The following TATDN1 variants were observed in gnomAD, a reference collection of about 807,000 sequenced individuals.
The protein encoded by TATDN1 is deoxyribonuclease TATDN1.
TATDN1 carries 40 observed loss-of-function variants against 46.4 expected under a neutral mutation model. That is an observed-to-expected ratio of 0.86 (90% CI 0.67 to 1.12). The LOEUF (loss-of-function observed/expected upper bound fraction) is 1.12. Ranked by LOEUF, TATDN1 falls within the 50% of genes most tolerant of loss-of-function variation. The pLI, the probability that TATDN1 is intolerant of heterozygous loss-of-function variation, is 0.00. For synonymous variants in TATDN1, 95 were observed against 105.6 expected (o/e 0.90, Z 0.62); for missense variants, 326 against 348.4 (o/e 0.94, Z 0.51).
chr8:124,497,769 AG>A (rs952173095), intron 9 of TATDN1, among the ~76,000 whole-genome samples: 6 of 152,220 alleles, frequency 3.9e-5, no homozygotes, highest in African/African-American at 1.4e-4. Flanking sequence ...ATAATTCACC[AG>A]GAGCTAGAAA....
chr8:124,538,836 G>A (rs1821741237), intron 1 of TATDN1, 189 bp downstream of exon 1: 2 of 650,256 alleles, frequency 3.1e-6, no homozygotes. Flanking sequence ...ACACCCTCGT[G>A]AATCCAGAAC....
Position 124,504,462 on chromosome 8 carries a change from A to G in TATDN1, c.517-115T>C, listed in dbSNP as rs371962782. The G allele has an allele frequency of 5.4e-4, 280 of 516,678 alleles. 1 individual carries two copies. The highest frequency in any genetic ancestry group is 4.9e-3 in the African/African-American group (248 of 50,134). The allele number at this position is 516,678 out of a possible 1,614,324, so 32.0% of individuals were successfully genotyped here. A position where few individuals can be genotyped will look rare whatever the true frequency, so the allele number is the denominator to read the frequency against. On this transcript the variant is annotated intron_variant, in intron 8 of 11. Coordinates refer to ENST00000276692, the MANE Select transcript of TATDN1 (RefSeq NM_032026.4). The stretch of plus-strand genomic sequence containing the variant: ...AGATCCCTGTAAGTTTTTGGACCTC[A>G]GGGTTTCAAAGGTGGTAGTCGCTAT...
chr8:124,517,265 T>TA (rs555145071), intron 4 of TATDN1, among the ~76,000 whole-genome samples: 1 of 151,836 alleles, frequency 6.6e-6, no homozygotes, highest in Non-Finnish European at 1.5e-5. Context: ...CCGTCTCTAC[T>TA]AAAGATACAA....
chr8:124,530,122 C>T (rs1430813543), intron 1 of TATDN1, among the ~76,000 whole-genome samples: 1 of 151,834 alleles, frequency 6.6e-6, no homozygotes, highest in Non-Finnish European at 1.5e-5. Context: ...CAAAGAACAA[C>T]AACAACAAAG....
intron 2 of TATDN1, 85 bp downstream of exon 2, chr8:124,522,852 G>T: frequency 8.5e-7 from 1 of 1,173,220 alleles, no homozygotes; most frequent in Non-Finnish European, 1.3e-6. Context: ...ACAAGACTCA[G>T]CTTGAATTAT....
intron 11 of TATDN1, among the ~76,000 whole-genome samples, chr8:124,493,630 A>G (rs1817210684): frequency 6.6e-6 from 1 of 152,232 alleles, no homozygotes; most frequent in African/African-American, 2.4e-5. Context: ...TCTTGTTACC[A>G]AAGAGTAGCA....
At chr8:124,516,910 G>A (rs1286190105) in intron 4 of TATDN1, among the ~76,000 whole-genome samples, 2 of 152,228 alleles carry the variant, frequency 1.3e-5, no homozygotes, top group Non-Finnish European at 1.5e-5. Flanking sequence ...CATGGGAAAG[G>A]TATCAAGCTT....
chr8:124,495,624 A>T, intron 9 of TATDN1, 82 bp from the exon 10 acceptor site: 1 of 1,084,724 alleles, frequency 9.2e-7, no homozygotes, highest in Non-Finnish European at 1.3e-6. Flanking sequence ...CTAAAATGCT[A>T]CAAAACCAAC....
intron 9 of TATDN1, among the ~76,000 whole-genome samples, chr8:124,497,996 T>C (rs972988897): frequency 6.6e-6 from 1 of 152,264 alleles, no homozygotes; most frequent in Non-Finnish European, 1.5e-5. Flanking sequence ...TATTCTTTTA[T>C]GTTCTTTTAG....
chr8:124,489,480 C>T (rs1296648015), intron 11 of TATDN1: 1 of 151,620 alleles, frequency 6.6e-6, no homozygotes. Flanking sequence ...GTGGCACGAT[C>T]TCGGCTCACT....
In TATDN1 at chr8:124,518,819, ATTTG is replaced by A. The variant is rs764761631; in HGVS notation, c.197_200del (p.Thr66MetfsTer27). 1.2e-6 allele frequency: 2 copies of A among 1,608,654 alleles called. No individual in the cohort carries two copies. The highest frequency in any genetic ancestry group is 2.2e-5 in the East Asian group (1 of 44,810). ...TTGGTAAAAGAAATATGAGGATACC[ATTTG>A]TTTGTGCCAAATGCAGTGCATCTTT... On this transcript the variant is annotated frameshift_variant and splice_region_variant, in exon 4 of 12. Transcript: ENST00000276692. LOFTEE classifies it high-confidence loss of function.
chr8:124,499,086 G>T (rs1023853124), intron 9 of TATDN1, among the ~76,000 whole-genome samples: 2 of 150,908 alleles, frequency 1.3e-5, no homozygotes, highest in African/African-American at 4.9e-5. Flanking sequence ...CCCAACTACA[G>T]AACATTTCTT....
rs572559091 is a variant in TATDN1, at chr8:124,493,055, C to T, written c.791+778G>A. 5.3e-5 allele frequency among the ~76,000 whole-genome samples: 8 copies of T among 152,146 alleles called. No homozygotes were observed. The South Asian group carries it at 1.0e-3, about 20-fold the overall frequency. On this transcript the variant is annotated intron_variant, in intron 11 of 11. Transcript: ENST00000276692. ...ATAATTCTTCACTGTTCTTATCTGG[C>T]TTATCTTCTAATACTCTTTTCCTGT...
chr8:124,508,366 C>T, intron 8 of TATDN1, 108 bp downstream of exon 8: 1 of 859,660 alleles, frequency 1.2e-6, no homozygotes, highest in Non-Finnish European at 1.8e-6. Flanking sequence ...TATCTCATGC[C>T]AGTGCTTAAA....
chr8:124,530,351 C>T (rs779043851), intron 1 of TATDN1, among the ~76,000 whole-genome samples: 4 of 152,140 alleles, frequency 2.6e-5, no homozygotes, highest in African/African-American at 4.8e-5. Context: ...AAGTTGTTGG[C>T]AAATCCAGCA....
At chr8:124,503,928 TGACG>T (rs1381836722) in intron 9 of TATDN1, 3 of 1,301,604 alleles carry the variant, frequency 2.3e-6, no homozygotes, top group African/African-American at 1.5e-5. Flanking sequence ...TAGTCAGATA[TGACG>T]TGTATATGTA....
intron 8 of TATDN1, among the ~76,000 whole-genome samples, chr8:124,507,147 C>A (rs527666301): frequency 2.7e-5 from 4 of 149,562 alleles, no homozygotes; most frequent in African/African-American, 1.0e-4. Context: ...GGTGACAGAG[C>A]GAGACTCCAT....
chr8:124,522,527 G>A (rs1359975908), intron 2 of TATDN1, among the ~76,000 whole-genome samples: 2 of 151,720 alleles, frequency 1.3e-5, no homozygotes, highest in Non-Finnish European at 2.9e-5. Flanking sequence ...AGTGATTCTC[G>A]TGCCTTAGCC....
At chr8:124,498,995 A>T (rs539860034) in intron 9 of TATDN1, among the ~76,000 whole-genome samples, 10 of 123,426 alleles carry the variant, frequency 8.1e-5, no homozygotes, top group South Asian at 2.6e-4. Context: ...GGGTCTCATT[A>T]TGTTGCCCAG....
Sources: allele counts gnomAD v4.1 joint callset (sites outside exome capture counted in the v4.1 genomes callset), GRCh38; gene constraint gnomAD v4.1.1; transcripts MANE v1.5; gene names NCBI Gene and HGNC (gene_info 2026-07-23, HGNC 2026-07-21).